Variants in WIPI2 observed in about 807,000 individuals in gnomAD.
WIPI2 encodes the protein WD repeat domain, phosphoinositide interacting 2.
WIPI2 carries 28 observed loss-of-function variants against 52.3 expected under a neutral mutation model. The observed-to-expected ratio is 0.54, with a 90% confidence interval of 0.40 to 0.73. The LOEUF (loss-of-function observed/expected upper bound fraction) is 0.73. Among genes scored for constraint, WIPI2 ranks in the 30% least tolerant of loss-of-function variants. The pLI, the probability that WIPI2 is intolerant of heterozygous loss-of-function variation, is 0.00. For synonymous variants in WIPI2, 268 were observed against 245.0 expected (o/e 1.09, Z -0.88); for missense variants, 506 against 602.9 (o/e 0.84, Z 1.68).
Position 5,233,413 on chromosome 7 carries a change from G to A in WIPI2, c.*2466G>A, listed in dbSNP as rs942575758. ...AGAGGGACCCTGAACCAAACAGAAC[G>A]TGTGCTAATTTTCCGAACTCCAAAC... On this transcript the variant is annotated 3_prime_UTR_variant, in exon 13 of 13. Transcript: ENST00000288828. The A allele has an allele frequency of 6.6e-6, 1 of 152,238 alleles. No homozygotes were observed. The highest frequency in any genetic ancestry group is 2.4e-5 in the African/African-American group (1 of 41,440). The allele number at this position is 152,238 out of a possible 1,614,324, so 9.4% of individuals were successfully genotyped here. A position where few individuals can be genotyped will look rare whatever the true frequency, so the allele number is the denominator to read the frequency against.
intron 2 of WIPI2, among the ~76,000 whole-genome samples, chr7:5,195,469 G>A (rs958788704): frequency 6.6e-6 from 1 of 152,238 alleles, no homozygotes; most frequent in Non-Finnish European, 1.5e-5. Flanking sequence ...CTGGGTGGCA[G>A]AGTGAGACCC....
intron 4 of WIPI2, 132 bp from the exon 5 acceptor site, chr7:5,216,431 C>T (rs1043219517): frequency 2.8e-6 from 2 of 717,628 alleles, no homozygotes; most frequent in Non-Finnish European, 4.7e-6. Context: ...GACACTGACT[C>T]CAAAAAAATA....
intron 2 of WIPI2, chr7:5,193,407 G>T: frequency 8.3e-7 from 1 of 1,211,050 alleles, no homozygotes; most frequent in South Asian, 2.2e-5. Flanking sequence ...ATGAAGAAAG[G>T]GACTTGACTT....
chr7:5,217,597 C>T (rs1043833814), intron 6 of WIPI2: 1 of 428,170 alleles, frequency 2.3e-6, no homozygotes, highest in African/African-American at 2.0e-5. Context: ...CGCCCAGCCC[C>T]ACTGCTCTCT....
chr7:5,205,793 C>T (rs978879153), intron 3 of WIPI2, among the ~76,000 whole-genome samples: 3 of 152,080 alleles, frequency 2.0e-5, no homozygotes, highest in African/African-American at 7.2e-5. Flanking sequence ...TAGGCATGAA[C>T]CATCGTGCCT....
intron 4 of WIPI2, 31 bp from the exon 5 acceptor site, chr7:5,216,532 C>T (rs1562399293): frequency 1.9e-6 from 3 of 1,600,812 alleles, no homozygotes; most frequent in Admixed American, 1.7e-5. Context: ...GCCGTTGCTT[C>T]ACGTTTGGTT....
chr7:5,204,402 G>T (rs1050474365), intron 3 of WIPI2, among the ~76,000 whole-genome samples: 1 of 152,186 alleles, frequency 6.6e-6, no homozygotes, highest in Non-Finnish European at 1.5e-5. Context: ...GGGAGTCAAA[G>T]GTTGCAGTGA....
chr7:5,215,712 G>A (rs928726868), intron 4 of WIPI2, among the ~76,000 whole-genome samples: 1 of 152,208 alleles, frequency 6.6e-6, no homozygotes, highest in Non-Finnish European at 1.5e-5. Context: ...TGACATAGTT[G>A]GTTAGAATGG....
chr7:5,216,288 C>G (rs1782806811), intron 4 of WIPI2: 1 of 281,330 alleles, frequency 3.6e-6, no homozygotes, highest in African/African-American at 2.1e-5. Flanking sequence ...AAAAATTAGC[C>G]AGGCCTGGTG....
intron 5 of WIPI2, 95 bp downstream of exon 5, chr7:5,216,754 G>A (rs749104408): frequency 1.0e-4 from 120 of 1,205,592 alleles, no homozygotes; most frequent in Non-Finnish European, 1.3e-4. Flanking sequence ...TATAGGTTCC[G>A]CAGATGAGAC....
intron 9 of WIPI2, 34 bp downstream of exon 9, chr7:5,225,964 T>C: frequency 6.3e-7 from 1 of 1,580,730 alleles, no homozygotes; most frequent in Admixed American, 1.8e-5. Flanking sequence ...TTAAAAATGA[T>C]GCAAAACCCT....
chr7:5,194,711 G>C (rs192201492), intron 2 of WIPI2, among the ~76,000 whole-genome samples: 3 of 152,160 alleles, frequency 2.0e-5, no homozygotes, highest in Non-Finnish European at 2.9e-5. Context: ...CTGGCTTCAA[G>C]TGATCCTCCC....
At chr7:5,223,783 G>A (rs1583587280) in intron 8 of WIPI2, among the ~76,000 whole-genome samples, 1 of 152,228 alleles carries the variant, frequency 6.6e-6, no homozygotes, top group East Asian at 1.9e-4. Context: ...CCCCATCTTG[G>A]TAAATAGCGC....
intron 8 of WIPI2, among the ~76,000 whole-genome samples, chr7:5,224,641 G>A (rs999204086): frequency 6.6e-6 from 1 of 152,188 alleles, no homozygotes; most frequent in Non-Finnish European, 1.5e-5. Flanking sequence ...TTAGGGAGTC[G>A]GAGCTGTCTT....
intron 2 of WIPI2, among the ~76,000 whole-genome samples, chr7:5,194,122 C>T (rs1347415993): frequency 6.6e-6 from 1 of 151,398 alleles, no homozygotes; most frequent in Non-Finnish European, 1.5e-5. Context: ...GTGATAACAT[C>T]GTGGTGAAAA....
chr7:5,201,615 G>A (rs1217395516), intron 3 of WIPI2, among the ~76,000 whole-genome samples: 1 of 152,134 alleles, frequency 6.6e-6, no homozygotes, highest in Non-Finnish European at 1.5e-5. Context: ...GCATGGTGGC[G>A]CACACCTGTA....
chr7:5,228,061 T>C, intron 10 of WIPI2, 43 bp from the exon 11 acceptor site: 2 of 1,595,516 alleles, frequency 1.3e-6, no homozygotes, highest in South Asian at 2.2e-5. Flanking sequence ...AGACCGTTTC[T>C]GTGACAGTTG....
intron 8 of WIPI2, among the ~76,000 whole-genome samples, chr7:5,224,446 C>G (rs545306154): frequency 2.0e-5 from 3 of 152,198 alleles, no homozygotes; most frequent in Non-Finnish European, 4.4e-5. Flanking sequence ...TAGGCAGAGC[C>G]GATTCATCAA....
intron 1 of WIPI2, among the ~76,000 whole-genome samples, chr7:5,192,906 G>A (rs1334624735): frequency 6.6e-6 from 1 of 152,108 alleles, no homozygotes; most frequent in African/African-American, 2.4e-5. Context: ...TCACTTACTA[G>A]AATATATATG....
Sources: allele counts gnomAD v4.1 joint callset (sites outside exome capture counted in the v4.1 genomes callset), GRCh38; gene constraint gnomAD v4.1.1; transcripts MANE v1.5; gene names NCBI Gene and HGNC (gene_info 2026-07-23, HGNC 2026-07-21).